WNK2: variants seen among roughly 807,000 people sequenced by gnomAD.
The protein encoded by WNK2 is serine/threonine-protein kinase WNK2.
A neutral mutation model predicts 192.1 loss-of-function variants in WNK2; 67 were observed. That is an observed-to-expected ratio of 0.35 (90% CI 0.29 to 0.43). The LOEUF (loss-of-function observed/expected upper bound fraction) is 0.43, where lower values mean the gene tolerates loss of function less well. Ranked by LOEUF, WNK2 falls within the 20% of genes least tolerant of loss-of-function variation. The pLI, the probability that WNK2 is intolerant of heterozygous loss-of-function variation, is 1.00. For missense variants in WNK2, 2,698 were observed against 3,089.7 expected (o/e 0.87, Z 3.01); for synonymous variants, 1,439 against 1,393.9 (o/e 1.03, Z -0.72).
chr9:93,300,569 G>A (rs72743443), intron 26 of WNK2, among the ~76,000 whole-genome samples: 4,867 of 151,800 alleles, frequency 0.032, 133 homozygotes, highest in East Asian at 0.099. Flanking sequence ...CAGTTCCAGC[G>A]ACAACAAAAA....
chr9:93,301,018 A>G (rs1851506066), intron 26 of WNK2, among the ~76,000 whole-genome samples: 2 of 152,212 alleles, frequency 1.3e-5, no homozygotes, highest in Non-Finnish European at 2.9e-5. Flanking sequence ...TCAATGACGC[A>G]GTTCCTCCAA....
chr9:93,255,930 G>T (rs1843220349), intron 9 of WNK2, among the ~76,000 whole-genome samples: 1 of 152,178 alleles, frequency 6.6e-6, no homozygotes, highest in Admixed American at 6.5e-5. Context: ...TCGTCTGTGA[G>T]TTATGTATAA....
At chr9:93,262,836 C>G in intron 14 of WNK2, 117 bp downstream of exon 14, 7 of 1,155,138 alleles carry the variant, frequency 6.1e-6, no homozygotes, top group Middle Eastern at 2.4e-4. Context: ...TGCCCTGATG[C>G]CATTAGGGGT....
At chr9:93,202,666 G>A (rs866680427) in intron 2 of WNK2, among the ~76,000 whole-genome samples, 4 of 151,984 alleles carry the variant, frequency 2.6e-5, no homozygotes, top group Admixed American at 6.6e-5. Flanking sequence ...CAGGTGGCAT[G>A]GTGGGGGCCG....
chr9:93,246,487 G>A (rs1841716658), intron 7 of WNK2, among the ~76,000 whole-genome samples: 1 of 152,204 alleles, frequency 6.6e-6, no homozygotes, highest in Non-Finnish European at 1.5e-5. Flanking sequence ...ATTCACTTCT[G>A]TTGTGCGCTT....
intron 19 of WNK2, among the ~76,000 whole-genome samples, chr9:93,277,382 CTT>C (rs1847087659): frequency 6.6e-6 from 1 of 152,136 alleles, no homozygotes; most frequent in South Asian, 2.1e-4. Context: ...AAAATGAAAA[CTT>C]ATGTTCACTT....
chr9:93,298,959 G>A lies in WNK2; in HGVS notation c.5924-111G>A, dbSNP rs191495672. On this transcript the variant is annotated intron_variant, in intron 24 of 29. Transcript: ENST00000427277. ...CATGTGCCTGTGGTCTGCAGGAGACGTGAGCTTCCCCAAGGTCACCCAGCA... is the reference window on the plus strand; with the variant it reads ...CATGTGCCTGTGGTCTGCAGGAGACATGAGCTTCCCCAAGGTCACCCAGCA... The A allele has an allele frequency of 2.0e-5, 23 of 1,167,280 alleles. No homozygotes were observed. In the South Asian group the frequency reaches 2.2e-4, roughly 11 times the overall value. The allele number at this position is 1,167,280 out of a possible 1,614,324, so 72.3% of individuals were successfully genotyped here.
At chr9:93,218,855 T>C (rs566407223) in intron 2 of WNK2, among the ~76,000 whole-genome samples, 195 of 152,278 alleles carry the variant, frequency 1.3e-3, no homozygotes, top group Non-Finnish European at 2.0e-3. Flanking sequence ...AGGGACCCCT[T>C]GCCTGGCTCT....
chr9:93,212,756 C>G (rs1258587449), intron 2 of WNK2, among the ~76,000 whole-genome samples: 1 of 152,174 alleles, frequency 6.6e-6, no homozygotes, highest in Non-Finnish European at 1.5e-5. Flanking sequence ...TGTGGCTGCC[C>G]AGTAGGTCAT....
At chr9:93,258,053 C>T (rs1564103795) in intron 11 of WNK2, among the ~76,000 whole-genome samples, 1 of 152,232 alleles carries the variant, frequency 6.6e-6, no homozygotes, top group Non-Finnish European at 1.5e-5. Context: ...TCTCACCCTG[C>T]TCAGGCCCAG....
intron 20 of WNK2, 32 bp from the exon 21 acceptor site, chr9:93,289,946 C>T (rs369003732): frequency 2.8e-5 from 44 of 1,545,366 alleles, no homozygotes; most frequent in Middle Eastern, 1.7e-4. Flanking sequence ...GTGAGTCTCA[C>T]GGCTCTTCTC....
Position 93,204,112 on chromosome 9 carries a change from C to T in WNK2, c.681+18502C>T, listed in dbSNP as rs555927109. Reference sequence around the variant, plus strand: ...TGGAGAGGAGAGGGCTGACATAAGGCCACACTGAGGAGGTGTTTTAACTGC... The same window carrying T: ...TGGAGAGGAGAGGGCTGACATAAGGTCACACTGAGGAGGTGTTTTAACTGC... On this transcript the variant is annotated intron_variant, in intron 2 of 29. Transcript: ENST00000427277. 4.6e-5 allele frequency among the ~76,000 whole-genome samples: 7 copies of T among 152,032 alleles called. No homozygotes were observed. The South Asian group carries it at 1.5e-3, about 32-fold the overall frequency.
chr9:93,254,768 A>G (rs747975945), intron 9 of WNK2, among the ~76,000 whole-genome samples: 8 of 152,164 alleles, frequency 5.3e-5, no homozygotes, highest in Non-Finnish European at 7.4e-5. Context: ...GTTCCAGGCC[A>G]GCCTGGGCAA....
chr9:93,305,811 G>A (rs144307201), intron 26 of WNK2, among the ~76,000 whole-genome samples: 74 of 152,352 alleles, frequency 4.9e-4, no homozygotes, highest in African/African-American at 1.5e-3. Flanking sequence ...TTCCTGCTGC[G>A]GAGGGAGTGT....
At position 93,262,131 on chromosome 9, in the gene WNK2, G is replaced by A. The variant is rs750271751; in HGVS notation, c.3360+24G>A. Reference sequence around the variant, plus strand: ...AGGTGTGTGCCCCTCCCCCCAGCCTGTCCCATGACTGGGCAGTTGCGGCCA... The same window carrying A: ...AGGTGTGTGCCCCTCCCCCCAGCCTATCCCATGACTGGGCAGTTGCGGCCA... On this transcript the variant is annotated intron_variant, in intron 13 of 29. Coordinates refer to ENST00000427277, the MANE Select transcript of WNK2 (RefSeq NM_006648.4). The A allele has an allele frequency of 3.2e-6, 5 of 1,555,854 alleles. No homozygotes were observed. The East Asian group carries it at 6.8e-5, about 21-fold the overall frequency.
chr9:93,242,178 T>A (rs1840884194), intron 7 of WNK2, among the ~76,000 whole-genome samples: 1 of 152,078 alleles, frequency 6.6e-6, no homozygotes, highest in African/African-American at 2.4e-5. Context: ...TGGCTACAGC[T>A]CCCACTGTGG....
rs193154147 is a variant in WNK2 at position 93,268,845 on chromosome 9, T to C, written c.4033+99T>C. 678 of 1,575,820 alleles carry C rather than the reference T, an allele frequency of 4.3e-4. 2 individuals are homozygous for C. In the African/African-American group the frequency reaches 8.1e-3, roughly 19 times the overall value. ...GGTATGTGCCCCGTGCCCAGGTCCA[T>C]GCAGGGGGCTCACCCTGCCCTGTCT... On this transcript the variant is annotated intron_variant, in intron 19 of 29. Transcript: ENST00000427277.
At position 93,259,456 on chromosome 9, in the gene WNK2, CCG is replaced by C; in HGVS notation, c.2910_2911del (p.Gln971ThrfsTer32). The C allele has an allele frequency of 1.3e-6, 2 of 1,486,948 alleles. No homozygotes were observed. The highest frequency in any genetic ancestry group is 4.0e-5 in the African/African-American group (2 of 50,452). 92.1% of individuals were successfully genotyped at this position (1,486,948 alleles called of 1,614,324 possible). A position where few individuals can be genotyped will look rare whatever the true frequency, so the allele number is the denominator to read the frequency against. ...GCTGCCCCCTCAACCTGTGTTGCCC[CCG>C]CAACCCACACGGCCCCCTCAACCTG... ...PTLPPQPVLP[P>X]QPTRPPQPVL... On this transcript the variant is annotated frameshift_variant, in exon 12 of 30. Transcript: ENST00000427277. LOFTEE classifies it high-confidence loss of function. The surrounding 1 kb of genome is among the most constrained non-coding windows in gnomAD (Gnocchi z 4.8).
rs543337059 is a variant in WNK2 at position 93,294,600 on chromosome 9, G to A, written c.5708+1427G>A. On this transcript the variant is annotated intron_variant, in intron 23 of 29. Coordinates refer to ENST00000427277, the MANE Select transcript of WNK2 (RefSeq NM_006648.4). ...GCCACACCCCAGCTGTGGCTGCTAC[G>A]AAGAGAAGCTTGTAGGGGGCAGGAA... Among the ~76,000 whole-genome samples, 236 of 152,308 alleles carry A rather than the reference G, an allele frequency of 1.5e-3. 1 individual carries two copies. The highest frequency in any genetic ancestry group is 5.5e-3 in the African/African-American group (227 of 41,564).
Sources: allele counts gnomAD v4.1 joint callset (sites outside exome capture counted in the v4.1 genomes callset), GRCh38; gene constraint gnomAD v4.1.1; non-coding constraint Gnocchi (gnomAD v3.1); transcripts MANE v1.5; gene names NCBI Gene and HGNC (gene_info 2026-07-23, HGNC 2026-07-21).